The following MEI4 variants were observed in gnomAD, a reference collection of about 807,000 sequenced individuals.
The protein encoded by MEI4 is meiotic double-stranded break formation protein 4.
Under a neutral mutation model 31.4 loss-of-function variants are expected in MEI4, and 27 were observed. The observed-to-expected ratio is 0.86, with a 90% CI of 0.63 to 1.19. The LOEUF (loss-of-function observed/expected upper bound fraction) is 1.19. Among genes scored for constraint, MEI4 ranks in the 50% most tolerant of loss-of-function variants. MEI4 has a pLI of 0.00. For synonymous variants in MEI4, 122 were observed against 145.4 expected (o/e 0.84, Z 1.16); for missense variants, 329 against 398.9 (o/e 0.82, Z 1.49).
chr6:77,680,692 T>C (rs987631096), intron 1 of MEI4, among the ~76,000 whole-genome samples: 1 of 152,186 alleles, frequency 6.6e-6, no homozygotes, highest in Non-Finnish European at 1.5e-5. Context: ...CTAGTGAAAG[T>C]AGAGCTCTAT....
At chr6:77,787,092 AC>A (rs1388032125) in intron 3 of MEI4, among the ~76,000 whole-genome samples, 1 of 152,064 alleles carries the variant, frequency 6.6e-6, no homozygotes, top group Non-Finnish European at 1.5e-5. Context: ...TTACCCAGGG[AC>A]TTGGAGGTAG....
chr6:77,844,213 G>T (rs1333717789), intron 4 of MEI4, among the ~76,000 whole-genome samples: 1 of 152,066 alleles, frequency 6.6e-6, no homozygotes, highest in Non-Finnish European at 1.5e-5. Flanking sequence ...ATCTGCATTT[G>T]TCTTTCTCTT....
intron 4 of MEI4, among the ~76,000 whole-genome samples, chr6:77,874,809 G>A (rs1219379394): frequency 1.3e-5 from 2 of 152,130 alleles, no homozygotes; most frequent in Non-Finnish European, 2.9e-5. Flanking sequence ...AGAGTTTTTA[G>A]CATGAAGAGT....
chr6:77,680,896 G>A (rs1768944497), intron 1 of MEI4, among the ~76,000 whole-genome samples: 2 of 152,090 alleles, frequency 1.3e-5, no homozygotes, highest in South Asian at 4.1e-4. Flanking sequence ...TTAATAATGA[G>A]CCCTAAAGAA....
At chr6:77,831,663 A>C (rs1770084776) in intron 4 of MEI4, among the ~76,000 whole-genome samples, 1 of 151,866 alleles carries the variant, frequency 6.6e-6, no homozygotes, top group South Asian at 2.1e-4. Flanking sequence ...GCATAGAAAA[A>C]CAAATACTGT....
At chr6:77,733,076 A>G (rs60397996) in intron 2 of MEI4, among the ~76,000 whole-genome samples, 30,981 of 151,340 alleles carry the variant, frequency 0.2, 3,611 homozygotes, top group African/African-American at 0.3. Context: ...AAGGATATTG[A>G]TCTAAAATTC....
chr6:77,865,563 G>T (rs1771002374), intron 4 of MEI4, among the ~76,000 whole-genome samples: 2 of 152,130 alleles, frequency 1.3e-5, no homozygotes, highest in South Asian at 2.1e-4. Flanking sequence ...CCAAAAACAG[G>T]CTCTGAAATT....
chr6:77,858,908 A>T (rs547480167), intron 4 of MEI4, among the ~76,000 whole-genome samples: 9 of 79,116 alleles, frequency 1.1e-4, no homozygotes, highest in Middle Eastern at 6.0e-3. Context: ...AGTTTCTTCT[A>T]AAAAAAAAAG....
intron 2 of MEI4, among the ~76,000 whole-genome samples, chr6:77,732,689 C>A (rs1336530870): frequency 2.0e-5 from 3 of 152,064 alleles, no homozygotes; most frequent in African/African-American, 4.8e-5. Context: ...TGAGAGAGGG[C>A]ATCCCTGTCT....
intron 3 of MEI4, among the ~76,000 whole-genome samples, chr6:77,792,748 T>C (rs916766810): frequency 3.3e-5 from 5 of 152,016 alleles, no homozygotes; most frequent in Non-Finnish European, 7.4e-5. Context: ...AGTCTCGCTC[T>C]ATTGCACAGG....
chr6:77,697,684 C>G (rs1259630563), intron 2 of MEI4, among the ~76,000 whole-genome samples: 1 of 152,062 alleles, frequency 6.6e-6, no homozygotes, highest in Non-Finnish European at 1.5e-5. Flanking sequence ...GCTTTACTTC[C>G]AACTATGTGG....
chr6:77,826,114 G>C lies in MEI4; in HGVS notation c.769-2817G>C, dbSNP rs534788423. 7.9e-5 allele frequency among the ~76,000 whole-genome samples: 12 copies of C among 152,272 alleles called. 1 individual carries two copies. The highest frequency in any genetic ancestry group is 7.2e-4 in the Admixed American group (11 of 15,294). On this transcript the variant is annotated intron_variant, in intron 3 of 4. Coordinates refer to ENST00000684080, the MANE Select transcript of MEI4 (RefSeq NM_001322247.2). ...TCACTTCTGCTTTTAGTTTTCACTT[G>C]ATCCCAGTTTTGTTTATACTAAGGC...
At chr6:77,862,306 A>G (rs1434517707) in intron 4 of MEI4, among the ~76,000 whole-genome samples, 2 of 152,218 alleles carry the variant, frequency 1.3e-5, no homozygotes, top group Non-Finnish European at 2.9e-5. Context: ...GCAAGGGGTC[A>G]GGGAATTCCC....
intron 3 of MEI4, among the ~76,000 whole-genome samples, chr6:77,789,043 TA>T (rs1286981311): frequency 6.6e-6 from 1 of 152,184 alleles, no homozygotes; most frequent in African/African-American, 2.4e-5. Context: ...ATGGTACTGG[TA>T]CCAAAGCAGA....
At chr6:77,663,391 C>T (rs1207139387) in intron 1 of MEI4, among the ~76,000 whole-genome samples, 1 of 151,622 alleles carries the variant, frequency 6.6e-6, no homozygotes, top group Non-Finnish European at 1.5e-5. Context: ...GTGTCCTATA[C>T]TTGTGGGTTA....
At chr6:77,719,468 C>T (rs1389896192) in intron 2 of MEI4, among the ~76,000 whole-genome samples, 1 of 49,430 alleles carries the variant, frequency 2.0e-5, no homozygotes, top group East Asian at 2.0e-3. Context: ...TCTCCCTAGG[C>T]AAATAGGATA....
At chr6:77,794,682 T>G (rs35474680) in intron 3 of MEI4, among the ~76,000 whole-genome samples, 24,001 of 152,034 alleles carry the variant, frequency 0.16, 2,284 homozygotes, top group East Asian at 0.39. Flanking sequence ...AACCCCACTT[T>G]CAACAATAGA....
At chr6:77,827,820 A>G (rs1381433395) in intron 3 of MEI4, among the ~76,000 whole-genome samples, 1 of 152,182 alleles carries the variant, frequency 6.6e-6, no homozygotes, top group African/African-American at 2.4e-5. Flanking sequence ...AATAATATTC[A>G]TATAATTTTG....
chr6:77,687,635 A>G (rs1339763064), intron 1 of MEI4, among the ~76,000 whole-genome samples: 1 of 151,984 alleles, frequency 6.6e-6, no homozygotes. Context: ...CAACCCTTCT[A>G]GTCAGGCTTG....
Sources: allele counts gnomAD v4.1 joint callset (sites outside exome capture counted in the v4.1 genomes callset), GRCh38; gene constraint gnomAD v4.1.1; transcripts MANE v1.5; gene names NCBI Gene and HGNC (gene_info 2026-07-23, HGNC 2026-07-21).